The following NLGN1 variants were observed in gnomAD, a reference collection of about 807,000 sequenced individuals.
The protein encoded by NLGN1 is neuroligin 1.
A neutral mutation model predicts 65.5 loss-of-function variants in NLGN1; 12 were observed. The ratio of observed to expected loss-of-function variants is 0.18; its 90% CI spans 0.12 to 0.30. The LOEUF (loss-of-function observed/expected upper bound fraction) is 0.30, where lower values mean the gene tolerates loss of function less well. Among genes scored for constraint, NLGN1 ranks in the 10% least tolerant of loss-of-function variants. NLGN1 has a pLI of 1.00. For synonymous variants in NLGN1, 350 were observed against 359.5 expected (o/e 0.97, Z 0.30); for missense variants, 750 against 1,007.1 (o/e 0.74, Z 3.46).
chr3:173,451,707 C>A lies in NLGN1; in HGVS notation c.-321+16629C>A, dbSNP rs554138692. ...CCTCCTTGAGCTGTGGTGAGCTCCA[C>A]CCAGTTCGAGCTTCCTGGCCACTCT... On this transcript the variant is annotated intron_variant, in intron 2 of 6. Coordinates refer to ENST00000457714, the Ensembl canonical transcript of NLGN1. Among the ~76,000 whole-genome samples, 6 of 152,324 alleles carry A rather than the reference C, an allele frequency of 3.9e-5. No individual in the cohort carries two copies. In the East Asian group the frequency reaches 1.2e-3, roughly 29 times the overall value.
At chr3:173,816,476 TC>T (rs1207625154) in intron 4 of NLGN1, among the ~76,000 whole-genome samples, 1 of 152,224 alleles carries the variant, frequency 6.6e-6, no homozygotes, top group African/African-American at 2.4e-5. Context: ...ATCTGGATGA[TC>T]AAGTAAAAAC....
chr3:173,777,596 A>G (rs1780486883), intron 3 of NLGN1, among the ~76,000 whole-genome samples: 1 of 151,686 alleles, frequency 6.6e-6, no homozygotes, highest in African/African-American at 2.4e-5. Flanking sequence ...GCAATAGAAG[A>G]CCAGAATGTA....
At chr3:173,445,605 A>G (rs1362486458) in intron 2 of NLGN1, among the ~76,000 whole-genome samples, 9 of 152,166 alleles carry the variant, frequency 5.9e-5, no homozygotes, top group African/African-American at 2.2e-4. Flanking sequence ...CTAATAGAGT[A>G]ATGGTTTTAG....
intron 4 of NLGN1, among the ~76,000 whole-genome samples, chr3:174,001,328 T>C (rs987632066): frequency 6.6e-6 from 1 of 151,870 alleles, no homozygotes; most frequent in Admixed American, 6.6e-5. Flanking sequence ...AGAAACAGAT[T>C]TTTTTCTTTG....
intron 4 of NLGN1, among the ~76,000 whole-genome samples, chr3:174,119,606 C>G (rs1717314481): frequency 6.6e-6 from 1 of 152,152 alleles, no homozygotes; most frequent in Non-Finnish European, 1.5e-5. Context: ...GTCTTTAAAA[C>G]TGCTCCAAAA....
At chr3:174,220,911 T>C (rs958312077) in intron 4 of NLGN1, among the ~76,000 whole-genome samples, 1 of 152,150 alleles carries the variant, frequency 6.6e-6, no homozygotes, top group African/African-American at 2.4e-5. Context: ...GTACAAGCAT[T>C]TGTGTGTTTT....
At chr3:174,124,569 G>A (rs1015674164) in intron 4 of NLGN1, among the ~76,000 whole-genome samples, 7 of 124,282 alleles carry the variant, frequency 5.6e-5, no homozygotes, top group East Asian at 4.4e-4. Context: ...GTATATATAC[G>A]TATACACATA....
intron 4 of NLGN1, among the ~76,000 whole-genome samples, chr3:174,259,840 C>A (rs185035787): frequency 0.17 from 20,667 of 125,184 alleles, 1,753 homozygotes; most frequent in East Asian, 0.51. Context: ...CCCCCTCCCC[C>A]CACCCCACCA....
At chr3:173,920,421 T>A (rs1006680911) in intron 4 of NLGN1, 2 of 152,184 alleles carry the variant, frequency 1.3e-5, no homozygotes, top group Non-Finnish European at 1.5e-5. Flanking sequence ...TATCACATCA[T>A]ATAAGAAAAA....
intron 4 of NLGN1, among the ~76,000 whole-genome samples, chr3:174,146,589 C>T (rs1376643936): frequency 3.2e-4 from 46 of 143,166 alleles, no homozygotes; most frequent in Admixed American, 8.4e-4. Flanking sequence ...TTTTTTTAGA[C>T]GGAGTTTTGC....
chr3:174,053,391 A>G lies in NLGN1; in HGVS notation c.647-221924A>G, dbSNP rs543929734. On this transcript the variant is annotated intron_variant, in intron 4 of 6. Transcript: ENST00000457714. ...AATGTATGCTTCTGGTGGTCTTGTA[A>G]ACACAATTTTATTAACTACAAATGT... Among the ~76,000 whole-genome samples the G allele has an allele frequency of 2.0e-4, 30 of 152,146 alleles. No homozygotes were observed. In the Middle Eastern group the frequency reaches 0.017, roughly 86 times the overall value.
chr3:173,543,277 C>A (rs1055374385), intron 2 of NLGN1, among the ~76,000 whole-genome samples: 1 of 152,134 alleles, frequency 6.6e-6, no homozygotes, highest in Non-Finnish European at 1.5e-5. Flanking sequence ...ATTAGCATAG[C>A]ACTTAACAGT....
intron 4 of NLGN1, among the ~76,000 whole-genome samples, chr3:173,862,579 T>C (rs1578853984): frequency 2.2e-5 from 3 of 139,052 alleles, no homozygotes; most frequent in African/African-American, 8.0e-5. Context: ...AGATTCCAAA[T>C]ATGTAAAAAT....
intron 4 of NLGN1, among the ~76,000 whole-genome samples, chr3:174,246,046 A>G (rs906323145): frequency 6.6e-6 from 1 of 152,188 alleles, no homozygotes; most frequent in African/African-American, 2.4e-5. Flanking sequence ...ATCCTTTTTC[A>G]TTCAATATAA....
intron 4 of NLGN1, among the ~76,000 whole-genome samples, chr3:173,948,120 A>G (rs548313794): frequency 1.1e-3 from 160 of 152,330 alleles, no homozygotes; most frequent in South Asian, 2.9e-3. Context: ...CTATGAACAC[A>G]TATTTTATTG....
At position 173,880,958 on chromosome 3, in the gene NLGN1, G is replaced by A. The variant is rs1050543927; in HGVS notation, c.646+73126G>A. ...TATTGTCATTTCAACTATATGCACA[G>A]CATCTATACCGGGAGTGGATTGCAT... On this transcript the variant is annotated intron_variant, in intron 4 of 6. Transcript: ENST00000457714. Among the ~76,000 whole-genome samples the A allele has an allele frequency of 4.6e-5, 7 of 152,088 alleles. No individual in the cohort carries two copies. In the South Asian group the frequency reaches 1.4e-3, roughly 31 times the overall value.
At chr3:173,648,847 T>C (rs1758693735) in intron 3 of NLGN1, among the ~76,000 whole-genome samples, 1 of 152,170 alleles carries the variant, frequency 6.6e-6, no homozygotes, top group Non-Finnish European at 1.5e-5. Context: ...AGTGCTGGGA[T>C]TACAGGCATG....
intron 4 of NLGN1, among the ~76,000 whole-genome samples, chr3:174,116,760 T>C (rs1400879352): frequency 6.6e-6 from 1 of 152,240 alleles, no homozygotes; most frequent in East Asian, 1.9e-4. Context: ...GAATGTAGAA[T>C]TTAAATATTC....
At chr3:174,064,456 T>G (rs1738066354) in intron 4 of NLGN1, among the ~76,000 whole-genome samples, 1 of 151,866 alleles carries the variant, frequency 6.6e-6, no homozygotes, top group Non-Finnish European at 1.5e-5. Flanking sequence ...AGTTTGGGTT[T>G]GAATCTTGAC....
Sources: allele counts gnomAD v4.1 joint callset (sites outside exome capture counted in the v4.1 genomes callset), GRCh38; gene constraint gnomAD v4.1.1; transcripts MANE v1.5; gene names NCBI Gene and HGNC (gene_info 2026-07-23, HGNC 2026-07-21).